The following HCN4 variants were observed in gnomAD, a reference collection of about 807,000 sequenced individuals.
The protein encoded by HCN4 is potassium/sodium hyperpolarization-activated cyclic nucleotide-gated channel 4.
A neutral mutation model predicts 76.9 loss-of-function variants in HCN4; 29 were observed. That is an observed-to-expected ratio of 0.38 (90% CI 0.28 to 0.51). HCN4 has a LOEUF of 0.51. HCN4 is among the 20% of genes least tolerant of loss of function. The pLI is 0.90. For synonymous variants in HCN4, 772 were observed against 762.5 expected (o/e 1.01, Z -0.21); for missense variants, 1,416 against 1,715.2 (o/e 0.83, Z 3.08).
rs1331595223 is a variant in HCN4, at chr15:73,368,226, G to A, written c.45C>T (p.Leu15=). The A allele has an allele frequency of 3.9e-6, 6 of 1,524,798 alleles. No homozygotes were observed. Among genetic ancestry groups the A allele is most frequent in the East Asian group, 2.6e-5 (1 of 38,106 alleles). The allele number at this position is 1,524,798 out of a possible 1,614,324, so 94.5% of individuals were successfully genotyped here. Residue 15 remains leucine, a synonymous_variant, in exon 1 of 8, where the codon CTC becomes CTT. Transcript: ENST00000261917. The surrounding 1 kb of genome is among the most constrained non-coding windows in gnomAD (Gnocchi z 6.9). ...PPSMRKRLYS[L]PQQVGAKAWI... is the part of the protein sequence containing the mutation. ...ACGCCTTGGCCCCCACCTGCTGCGG[G>A]AGGCTGTAGAGCCGCTTGCGCATGG...
chr15:73,367,635 G>C lies in HCN4; in HGVS notation c.636C>G (p.Gly212=). Reference sequence around the variant, plus strand: ...TGGCCCCGAACTGGCGCTGCATGAAGCCGGCCTGGCCCAGGCGCACCTCGG... The same window carrying C: ...TGGCCCCGAACTGGCGCTGCATGAACCCGGCCTGGCCCAGGCGCACCTCGG... ...PEAEVRLGQA[G]FMQRQFGAML... The change falls in exon 1 of 8, where the codon GGC becomes GGG. Residue 212 remains glycine, a synonymous_variant. Transcript: ENST00000261917. This position sits in a 1 kb window ranked among gnomAD's most constrained non-coding sequence, Gnocchi z 7.5. 2 of 1,611,918 alleles carry C rather than the reference G, an allele frequency of 1.2e-6. No individual in the cohort carries two copies. Among genetic ancestry groups the C allele is most frequent in the Non-Finnish European group, 1.7e-6 (2 of 1,179,954 alleles).
At chr15:73,329,051 C>T (rs909729742) in intron 4 of HCN4, among the ~76,000 whole-genome samples, 1 of 152,142 alleles carries the variant, frequency 6.6e-6, no homozygotes, top group Non-Finnish European at 1.5e-5. Flanking sequence ...CAAAGATGGG[C>T]ACAGAGCCTG....
At position 73,322,138 on chromosome 15, in the gene HCN4, C is replaced by T. The variant is rs1595818846; in HGVS notation, c.*343G>A. The T allele has an allele frequency of 5.9e-6, 2 of 341,234 alleles. No individual in the cohort carries two copies. The highest frequency in any genetic ancestry group is 7.6e-5 in the East Asian group (1 of 13,196). 21.1% of individuals were successfully genotyped at this position (341,234 alleles called of 1,614,324 possible). A position where few individuals can be genotyped will look rare whatever the true frequency, so the allele number is the denominator to read the frequency against. On this transcript the variant is annotated 3_prime_UTR_variant, in exon 8 of 8. Coordinates refer to ENST00000261917, the MANE Select transcript of HCN4 (RefSeq NM_005477.3). ...GTTTCTCTAAATGAACACAATGACA[C>T]ATCTGCTCTAAGAACCGCCAACACT...
intron 1 of HCN4, among the ~76,000 whole-genome samples, chr15:73,356,331 GCA>G (rs2043079820): frequency 6.6e-6 from 1 of 150,644 alleles, no homozygotes; most frequent in Non-Finnish European, 1.5e-5. Context: ...GGGACTACAG[GCA>G]CACACTACCA....
intron 1 of HCN4, among the ~76,000 whole-genome samples, chr15:73,366,282 T>C (rs1307544858): frequency 6.6e-6 from 1 of 152,002 alleles, no homozygotes; most frequent in Admixed American, 6.6e-5. Flanking sequence ...GGATGGAAAA[T>C]GGCTTTGCTC....
chr15:73,345,426 A>T (rs1595829841), intron 1 of HCN4, among the ~76,000 whole-genome samples: 1 of 151,988 alleles, frequency 6.6e-6, no homozygotes, highest in East Asian at 1.9e-4. Flanking sequence ...CTACCCCATG[A>T]CCCACCACTC....
intron 3 of HCN4, among the ~76,000 whole-genome samples, chr15:73,330,624 G>C (rs1288234927): frequency 6.6e-6 from 1 of 152,200 alleles, no homozygotes; most frequent in East Asian, 1.9e-4. Context: ...GTGTCTTTCT[G>C]CTCACAGGGC....
Position 73,320,302 on chromosome 15 carries a change from C to G in HCN4, c.*2179G>C, listed in dbSNP as rs1479335923. 3 of 152,436 alleles carry G rather than the reference C, an allele frequency of 2.0e-5. No homozygotes were observed. The highest frequency in any genetic ancestry group is 7.2e-5 in the African/African-American group (3 of 41,456). 9.4% of individuals were successfully genotyped at this position (152,436 alleles called of 1,614,324 possible). A position where few individuals can be genotyped will look rare whatever the true frequency, so the allele number is the denominator to read the frequency against. ...GTACTAGGCGGCGTCTAGTCTTTAC[C>G]TAAGATCCCAGGAACCTTCACCCAC... On this transcript the variant is annotated 3_prime_UTR_variant, in exon 8 of 8. Coordinates refer to ENST00000261917, the MANE Select transcript of HCN4 (RefSeq NM_005477.3).
chr15:73,333,235 G>A (rs1218458995), intron 2 of HCN4, among the ~76,000 whole-genome samples: 1 of 152,172 alleles, frequency 6.6e-6, no homozygotes, highest in Non-Finnish European at 1.5e-5. Context: ...ACAGGGCAGT[G>A]GGGGATGGAG....
chr15:73,356,488 C>T (rs969465008), intron 1 of HCN4, among the ~76,000 whole-genome samples: 1 of 148,080 alleles, frequency 6.8e-6, no homozygotes, highest in African/African-American at 2.5e-5. Flanking sequence ...GCTGGGATTA[C>T]AGGAGTGAGC....
At position 73,343,826 on chromosome 15, in the gene HCN4, GGTCA is replaced by G; in HGVS notation, c.786-22_786-19del. The G allele has an allele frequency of 6.2e-7, 1 of 1,613,252 alleles. No homozygotes were observed. The highest frequency in any genetic ancestry group is 1.1e-5 in the South Asian group (1 of 91,028). ...AGTAAAATCTGCCCAGAGACACAGG[GGTCA>G]GTCGCCAGGAAGAGAGAGAGGACAA... is the stretch of plus-strand genomic sequence containing the variant. On this transcript the variant is annotated intron_variant, in intron 1 of 7. Transcript: ENST00000261917. The surrounding 1 kb of genome is among the most constrained non-coding windows in gnomAD (Gnocchi z 5.7).
rs2042910906 is a variant in HCN4 at position 73,328,036 on chromosome 15, C to G, written c.1590+1537G>C. On this transcript the variant is annotated intron_variant, in intron 4 of 7. Coordinates refer to ENST00000261917, the MANE Select transcript of HCN4 (RefSeq NM_005477.3). The surrounding 1 kb of genome is among the most constrained non-coding windows in gnomAD (Gnocchi z 4.0). Reference sequence around the variant, plus strand: ...AGAAAACGACATACTGGGTCCTCCCCTCATGGAGCCGTGGCCTGGAGAGGG... The same window carrying G: ...AGAAAACGACATACTGGGTCCTCCCGTCATGGAGCCGTGGCCTGGAGAGGG... Among the ~76,000 whole-genome samples, 1 of 152,156 alleles carries G rather than the reference C, an allele frequency of 6.6e-6. No individual in the cohort carries two copies. The highest frequency in any genetic ancestry group is 1.5e-5 in the Non-Finnish European group (1 of 68,028).
intron 6 of HCN4, among the ~76,000 whole-genome samples, chr15:73,324,709 C>T (rs1399495061): frequency 1.3e-5 from 2 of 152,182 alleles, no homozygotes; most frequent in African/African-American, 4.8e-5. Context: ...TGCTGGCCCC[C>T]TCAGCTCAGA....
intron 1 of HCN4, among the ~76,000 whole-genome samples, chr15:73,366,655 G>A (rs1030475469): frequency 1.3e-5 from 2 of 152,220 alleles, no homozygotes; most frequent in African/African-American, 2.4e-5. Context: ...TGATGTGGAA[G>A]GGGGCAGGGT....
In HCN4 at chr15:73,323,581, C is replaced by G; in HGVS notation, c.2512G>C (p.Gly838Arg). 6.2e-7 allele frequency: 1 copy of G among 1,601,122 alleles called. No individual in the cohort carries two copies. Among genetic ancestry groups the G allele is most frequent in the African/African-American group, 1.3e-5 (1 of 75,038 alleles). ...GGGCTGCTGGCGGGCGAGGCGGAGC[C>G]CAGCGCAGAAGGGATCAGGGACTGC... The part of the protein sequence containing the change: ...RLQSLIPSAL[G>R]SASPASSPSQ... The change falls in exon 8 of 8, where the codon GGC (glycine) becomes CGC (arginine). Residue 838 changes from glycine to arginine, a missense_variant. Gly to Arg is a moderately radical substitution (Grantham distance 125). Around this residue, in one of 6 missense-constraint regions of HCN4, gnomAD observed 633 missense variants for 579.8 expected, o/e 1.09. Transcript: ENST00000261917.
At chr15:73,339,198 C>T (rs185423560) in intron 2 of HCN4, among the ~76,000 whole-genome samples, 2 of 152,328 alleles carry the variant, frequency 1.3e-5, no homozygotes, top group East Asian at 1.9e-4. Flanking sequence ...GCTCACACCT[C>T]GGAGGGAGGG....
At chr15:73,349,750 C>T (rs1740693406) in intron 1 of HCN4, among the ~76,000 whole-genome samples, 1 of 152,200 alleles carries the variant, frequency 6.6e-6, no homozygotes, top group Non-Finnish European at 1.5e-5. Flanking sequence ...TCCCCTCTCC[C>T]TACTGCTGCT....
intron 1 of HCN4, among the ~76,000 whole-genome samples, chr15:73,346,926 G>A (rs976544624): frequency 1.3e-5 from 2 of 152,164 alleles, no homozygotes; most frequent in African/African-American, 2.4e-5. Context: ...ACAGCGCCCA[G>A]CACACCTGCC....
In HCN4 at chr15:73,328,130, AAGG is replaced by A. The variant is rs2042911398; in HGVS notation, c.1590+1440_1590+1442del. Among the ~76,000 whole-genome samples the A allele has an allele frequency of 1.3e-5, 2 of 152,208 alleles. No individual in the cohort carries two copies. Among genetic ancestry groups the A allele is most frequent in the Admixed American group, 1.3e-4 (2 of 15,298 alleles). ...TCACCACAGAGTGCCGAGTGTGGTG[AAGG>A]AGGAGAGGGTGCCATGGGGTCACAT... On this transcript the variant is annotated intron_variant, in intron 4 of 7. Coordinates refer to ENST00000261917, the MANE Select transcript of HCN4 (RefSeq NM_005477.3). This position sits in a 1 kb window ranked among gnomAD's most constrained non-coding sequence, Gnocchi z 4.0.
Sources: gnomAD v4.1 joint callset for allele counts (sites outside exome capture counted in the v4.1 genomes callset) on GRCh38, gnomAD v4.1.1 for gene constraint, gnomAD v4.1.1 regional missense constraint, Gnocchi (gnomAD v3.1) non-coding constraint, MANE v1.5 for transcripts, NCBI Gene and HGNC (gene_info 2026-07-23, HGNC 2026-07-21) for gene names.